Variants in DAAM2 observed in about 807,000 individuals in gnomAD.
DAAM2 encodes dishevelled associated activator of morphogenesis 2.
In DAAM2, 39 loss-of-function variants were observed where a neutral mutation model predicts 120.7. The ratio of observed to expected loss-of-function variants is 0.32; its 90% confidence interval spans 0.25 to 0.42. The LOEUF is 0.42. DAAM2 is among the 10% of genes least tolerant of loss of function. DAAM2 has a pLI of 1.00. For synonymous variants in DAAM2, 488 were observed against 524.9 expected, an observed-to-expected ratio of 0.93 and a Z score of 0.96; for missense variants, 1,283 against 1,401.7, an observed-to-expected ratio of 0.92 and a Z score of 1.35.
intron 1 of DAAM2, among the ~76,000 whole-genome samples, chr6:39,852,071 C>T (rs1443508655): frequency 6.6e-6 from 1 of 152,158 alleles, no homozygotes; most frequent in African/African-American, 2.4e-5. Flanking sequence ...CTTGTCCCCA[C>T]AGGAAGAGGG....
chr6:39,821,248 C>T (rs1762478973), intron 1 of DAAM2: 1 of 152,224 alleles, frequency 6.6e-6, no homozygotes, highest in South Asian at 2.1e-4. Flanking sequence ...GGTTGGGACA[C>T]TCCTGGGCTG....
Position 39,878,331 on chromosome 6 carries a change from C to T in DAAM2, c.1360+70C>T, listed in dbSNP as rs1426700889. 6.2e-7 allele frequency: 1 copy of T among 1,610,048 alleles called. No individual in the cohort carries two copies. The highest frequency in any genetic ancestry group is 8.5e-7 in the Non-Finnish European group (1 of 1,177,282). On this transcript the variant is annotated intron_variant, in intron 12 of 24. Coordinates refer to ENST00000274867, the MANE Select transcript of DAAM2 (RefSeq NM_001201427.2). This position sits in a 1 kb window ranked among gnomAD's most constrained non-coding sequence, Gnocchi z 5.0. ...CCCCTGCCCAGCCCATAACTCCATG[C>T]CCTTCCAGGCAGGGAGTCACATTAC... is the stretch of plus-strand genomic sequence containing the variant.
chr6:39,882,636 C>T (rs1183537637), intron 14 of DAAM2, among the ~76,000 whole-genome samples: 1 of 151,996 alleles, frequency 6.6e-6, no homozygotes, highest in Non-Finnish European at 1.5e-5. Context: ...CTGCCTCCCA[C>T]ACCCCTTTCC....
At chr6:39,803,512 G>A (rs1761927040) in intron 1 of DAAM2, among the ~76,000 whole-genome samples, 1 of 152,212 alleles carries the variant, frequency 6.6e-6, no homozygotes, top group Non-Finnish European at 1.5e-5. Flanking sequence ...AATCCCATGA[G>A]ATGGGGAGTG....
intron 1 of DAAM2, among the ~76,000 whole-genome samples, chr6:39,825,535 C>T (rs1312952860): frequency 4.6e-5 from 7 of 151,880 alleles, no homozygotes; most frequent in Admixed American, 1.3e-4. Context: ...TGTTGGGGGG[C>T]ACTTTCCTGA....
At chr6:39,875,687 A>T (rs918368431) in intron 11 of DAAM2, among the ~76,000 whole-genome samples, 1 of 152,222 alleles carries the variant, frequency 6.6e-6, no homozygotes, top group African/African-American at 2.4e-5. Context: ...TACTTGACAC[A>T]CGGCTAGTAT....
chr6:39,878,649 G>A lies in DAAM2; in HGVS notation c.1545+61G>A. The A allele has an allele frequency of 1.3e-6, 2 of 1,506,202 alleles. No individual in the cohort carries two copies. The highest frequency in any genetic ancestry group is 1.8e-6 in the Non-Finnish European group (2 of 1,117,466). The allele number at this position is 1,506,202 out of a possible 1,614,324, so 93.3% of individuals were successfully genotyped here. ...AAGACCCTGGGCTTCAGGACTGGGT[G>A]GGCAGAGCAGGTGTCGGAGAGGCCA... On this transcript the variant is annotated intron_variant, in intron 13 of 24. Coordinates refer to ENST00000274867, the MANE Select transcript of DAAM2 (RefSeq NM_001201427.2). This position sits in a 1 kb window ranked among gnomAD's most constrained non-coding sequence, Gnocchi z 5.0.
chr6:39,873,827 TACCAAATGTCAGC>T (rs1562044025), intron 10 of DAAM2, among the ~76,000 whole-genome samples: 1 of 152,186 alleles, frequency 6.6e-6, no homozygotes, highest in African/African-American at 2.4e-5. Context: ...TGCCTACAAA[TACCAAATGTCAGC>T]ATCTATGGGA....
chr6:39,892,710 C>T (rs1489792937), intron 19 of DAAM2, among the ~76,000 whole-genome samples: 1 of 152,170 alleles, frequency 6.6e-6, no homozygotes, highest in African/African-American at 2.4e-5. Context: ...TGGGCACCCC[C>T]TGCTGGACAC....
At chr6:39,895,227 C>CTTATTTATTTATTTATTTATTTATTTAT (rs59537611) in intron 19 of DAAM2, among the ~76,000 whole-genome samples, 30 of 137,750 alleles carry the variant, frequency 2.2e-4, no homozygotes, top group South Asian at 6.9e-4. Context: ...ACTTTATTTA[C>CTTATTTATTTATTTATTTATTTATTTAT]TTATTTATTT....
chr6:39,794,638 T>G (rs1434853037), intron 1 of DAAM2, among the ~76,000 whole-genome samples: 1 of 152,192 alleles, frequency 6.6e-6, no homozygotes, highest in African/African-American at 2.4e-5. Context: ...TGTGAGAACA[T>G]GTTCTCTCCC....
In DAAM2 at chr6:39,896,855, TAGAC is replaced by T; in HGVS notation, c.2389_2392del (p.Gln797CysfsTer2). 1 of 1,613,090 alleles carries T rather than the reference TAGAC, an allele frequency of 6.2e-7. No individual in the cohort carries two copies. Among genetic ancestry groups the T allele is most frequent in the Non-Finnish European group, 8.5e-7 (1 of 1,179,444 alleles). On this transcript the variant is annotated frameshift_variant, in exon 20 of 25. Coordinates refer to ENST00000274867, the MANE Select transcript of DAAM2 (RefSeq NM_001201427.2). LOFTEE classifies it high-confidence loss of function. The stretch of plus-strand genomic sequence containing the variant: ...GGGAGCTGGTCCGCAGCAAGCGTCT[TAGAC>T]AGATGCTAGAGGTCATCCTAGCCAT...
At chr6:39,865,903 A>C (rs1484892272) in intron 5 of DAAM2, among the ~76,000 whole-genome samples, 2 of 152,228 alleles carry the variant, frequency 1.3e-5, no homozygotes, top group Non-Finnish European at 2.9e-5. Flanking sequence ...ATGTGCATGG[A>C]AACACTATGA....
At chr6:39,849,750 G>A (rs1763735947) in intron 1 of DAAM2, among the ~76,000 whole-genome samples, 1 of 152,208 alleles carries the variant, frequency 6.6e-6, no homozygotes, top group South Asian at 2.1e-4. Flanking sequence ...ATGGTCTGCA[G>A]AGGCTTGGGG....
intron 3 of DAAM2, chr6:39,862,910 C>A (rs1764274986): frequency 6.6e-6 from 1 of 151,802 alleles, no homozygotes; most frequent in South Asian, 2.1e-4. Context: ...CTTTCACAAC[C>A]TTCCACCTTC....
chr6:39,818,284 C>T (rs564089126), intron 1 of DAAM2, among the ~76,000 whole-genome samples: 1 of 151,278 alleles, frequency 6.6e-6, no homozygotes, highest in South Asian at 2.1e-4. Flanking sequence ...ATTAACCCTT[C>T]ATATTTTCAG....
rs180839413 is a variant in DAAM2 at position 39,843,750 on chromosome 6, C to T, written c.-56-12497C>T. On this transcript the variant is annotated intron_variant, in intron 1 of 24. Coordinates refer to ENST00000274867, the MANE Select transcript of DAAM2 (RefSeq NM_001201427.2). ...TTCTGTGACTAAGTGTGTGGTGAGACGATGGGGCCCAATTGCTGCCTGTGA... is the reference window on the plus strand; with the variant it reads ...TTCTGTGACTAAGTGTGTGGTGAGATGATGGGGCCCAATTGCTGCCTGTGA... 4.6e-5 allele frequency among the ~76,000 whole-genome samples: 7 copies of T among 152,292 alleles called. No homozygotes were observed. The East Asian group carries it at 5.8e-4, about 13-fold the overall frequency.
At chr6:39,856,562 G>A (rs773619102) in intron 2 of DAAM2, 92 bp downstream of exon 2, 9 of 1,069,746 alleles carry the variant, frequency 8.4e-6, no homozygotes, top group Non-Finnish European at 1.1e-5. Flanking sequence ...CTGTGCTGGG[G>A]TCTCCATCTC....
At chr6:39,858,989 A>G (rs1764112084) in intron 2 of DAAM2, among the ~76,000 whole-genome samples, 1 of 152,238 alleles carries the variant, frequency 6.6e-6, no homozygotes, top group South Asian at 2.1e-4. Flanking sequence ...AGGACCGAGC[A>G]GTCAGCAGTC....
Sources: gnomAD v4.1 joint callset for allele counts (sites outside exome capture counted in the v4.1 genomes callset) on GRCh38, gnomAD v4.1.1 for gene constraint, Gnocchi (gnomAD v3.1) non-coding constraint, MANE v1.5 for transcripts, NCBI Gene and HGNC (gene_info 2026-07-23, HGNC 2026-07-21) for gene names.